NDRG3: variants seen among roughly 807,000 people sequenced by gnomAD.
NDRG3 encodes protein NDRG3.
In NDRG3, 23 loss-of-function variants were observed where a neutral mutation model predicts 57.2. The observed-to-expected ratio is 0.40, with a 90% CI of 0.29 to 0.57. The LOEUF is 0.57. Ranked by LOEUF, NDRG3 falls within the 20% of genes least tolerant of loss-of-function variation. The pLI, the probability that NDRG3 is intolerant of heterozygous loss-of-function variation, is 0.42. For missense variants in NDRG3, 384 were observed against 457.3 expected, an observed-to-expected ratio of 0.84 and a Z score of 1.46; for synonymous variants, 132 against 162.6, an observed-to-expected ratio of 0.81 and a Z score of 1.43.
At chr20:36,733,157 AAAAAAAAAAAAAAAATAT>A (rs1186660472) in intron 1 of NDRG3, among the ~76,000 whole-genome samples, 1 of 48,204 alleles carries the variant, frequency 2.1e-5, no homozygotes, top group African/African-American at 1.2e-4. Flanking sequence ...AAAAAAAAAA[AAAAAAAAAAAAAAAATAT>A]ATATATATAT....
chr20:36,745,925 G>C (rs1986169959), intron 1 of NDRG3, 120 bp downstream of exon 1: 1 of 246,774 alleles, frequency 4.1e-6, no homozygotes, highest in Non-Finnish European at 7.8e-6. Flanking sequence ...CAAGCAGCAC[G>C]GGCCACCAGG....
At chr20:36,665,402 A>G in intron 10 of NDRG3, 101 bp from the exon 11 acceptor site, 1 of 1,067,128 alleles carries the variant, frequency 9.4e-7, no homozygotes, top group Non-Finnish European at 1.4e-6. Context: ...GGAATGCGAA[A>G]CTATCTTTCC....
intron 3 of NDRG3, among the ~76,000 whole-genome samples, chr20:36,699,756 C>T (rs1568652824): frequency 6.6e-6 from 1 of 151,476 alleles, no homozygotes; most frequent in Non-Finnish European, 1.5e-5. Flanking sequence ...AGTGAGCTGC[C>T]AGGGAAGGTC....
chr20:36,711,714 A>C (rs1983891540), intron 2 of NDRG3, among the ~76,000 whole-genome samples: 1 of 152,168 alleles, frequency 6.6e-6, no homozygotes, highest in African/African-American at 2.4e-5. Flanking sequence ...TCTCAATCCC[A>C]TGTTCCTAGC....
intron 6 of NDRG3, among the ~76,000 whole-genome samples, chr20:36,683,488 G>C: frequency 6.6e-6 from 1 of 151,734 alleles, no homozygotes; most frequent in Non-Finnish European, 1.5e-5. Context: ...ATGGTGGCCT[G>C]TGCCTGTAAT....
intron 3 of NDRG3, among the ~76,000 whole-genome samples, chr20:36,690,146 G>A (rs770318858): frequency 5.3e-5 from 8 of 152,220 alleles, no homozygotes; most frequent in Non-Finnish European, 8.8e-5. Context: ...ATACTTCTAA[G>A]TTCTAAGACA....
chr20:36,714,404 C>CA (rs1187671006), intron 2 of NDRG3, among the ~76,000 whole-genome samples: 1,464 of 63,810 alleles, frequency 0.023, 33 homozygotes, highest in African/African-American at 0.059. Flanking sequence ...GACTCCAACT[C>CA]AAAAAAAAAA....
intron 3 of NDRG3, among the ~76,000 whole-genome samples, chr20:36,699,256 T>A (rs946000826): frequency 6.6e-6 from 1 of 152,092 alleles, no homozygotes; most frequent in South Asian, 2.1e-4. Flanking sequence ...ATAACTAAAG[T>A]ATAAAAACTT....
intron 3 of NDRG3, chr20:36,700,521 A>AC: frequency 1.9e-6 from 1 of 529,136 alleles, no homozygotes; most frequent in South Asian, 1.4e-5. Flanking sequence ...ATGTGCAGAG[A>AC]CCCTGGCTAA....
At chr20:36,684,519 A>AGCCTCCCTCTCCCTC in intron 5 of NDRG3, 44 bp from the exon 6 acceptor site, 1 of 1,535,554 alleles carries the variant, frequency 6.5e-7, no homozygotes, top group Non-Finnish European at 9.0e-7. Context: ...AGCACTCACA[A>AGCCTCCCTCTCCCTC]TTCCCAGTTG....
At chr20:36,740,514 T>C (rs369471392) in intron 1 of NDRG3, among the ~76,000 whole-genome samples, 13 of 152,308 alleles carry the variant, frequency 8.5e-5, no homozygotes, top group African/African-American at 3.1e-4. Flanking sequence ...ACCCGGCTAA[T>C]TTTTGCATTT....
chr20:36,666,207 G>C (rs571054650), intron 10 of NDRG3, 82 bp downstream of exon 10: 2 of 1,040,560 alleles, frequency 1.9e-6, no homozygotes, highest in African/African-American at 1.6e-5. Context: ...CCCAAGATTA[G>C]ATACAGTCCT....
intron 8 of NDRG3, among the ~76,000 whole-genome samples, chr20:36,677,308 G>A (rs1161575801): frequency 2.0e-5 from 3 of 152,234 alleles, no homozygotes; most frequent in Non-Finnish European, 4.4e-5. Flanking sequence ...AAGGGGGCAG[G>A]GTTCCCAGTA....
At chr20:36,744,972 G>A (rs534600216) in intron 1 of NDRG3, among the ~76,000 whole-genome samples, 4 of 151,064 alleles carry the variant, frequency 2.6e-5, no homozygotes, top group East Asian at 3.9e-4. Context: ...GGGTAAGGGG[G>A]GGGGGGGGCG....
chr20:36,716,522 G>T (rs1395891464), intron 2 of NDRG3, among the ~76,000 whole-genome samples: 1 of 134,320 alleles, frequency 7.4e-6, no homozygotes, highest in Non-Finnish European at 1.6e-5. Flanking sequence ...AACAGAGCGA[G>T]ACTCCATCTC....
intron 1 of NDRG3, among the ~76,000 whole-genome samples, chr20:36,723,423 C>G (rs906862948): frequency 1.3e-5 from 2 of 152,050 alleles, no homozygotes; most frequent in Admixed American, 6.6e-5. Flanking sequence ...TGTCTTGGCC[C>G]TAAACCTATC....
chr20:36,653,332 G>C lies in NDRG3; in HGVS notation c.*188C>G. The C allele has an allele frequency of 1.8e-6, 1 of 556,104 alleles. No homozygotes were observed. Among genetic ancestry groups the C allele is most frequent in the South Asian group, 2.6e-5 (1 of 38,394 alleles). The allele number at this position is 556,104 out of a possible 1,614,324, so 34.4% of individuals were successfully genotyped here. On this transcript the variant is annotated 3_prime_UTR_variant, in exon 16 of 16. Coordinates refer to ENST00000349004, the MANE Select transcript of NDRG3 (RefSeq NM_032013.4). The surrounding 1 kb of genome is among the most constrained non-coding windows in gnomAD (Gnocchi z 4.2). ...GAATGTTACAGTATGGCATGGAAGTGGTTCTTGGGCTATACAAAAAAGGGG... is the reference window on the plus strand; with the variant it reads ...GAATGTTACAGTATGGCATGGAAGTCGTTCTTGGGCTATACAAAAAAGGGG...
intron 12 of NDRG3, among the ~76,000 whole-genome samples, chr20:36,662,637 G>A (rs1466822458): frequency 3.9e-5 from 6 of 152,210 alleles, no homozygotes; most frequent in Non-Finnish European, 7.3e-5. Context: ...AATAGTTACT[G>A]CAGTTACTGA....
At chr20:36,705,332 A>AAAAAGAAAAG (rs567820465) in intron 3 of NDRG3, among the ~76,000 whole-genome samples, 3 of 150,124 alleles carry the variant, frequency 2.0e-5, no homozygotes, top group East Asian at 1.9e-4. Flanking sequence ...AAAAAAAAAA[A>AAAAAGAAAAG]AAAAGAAAAG....
Sources: allele counts gnomAD v4.1 joint callset (sites outside exome capture counted in the v4.1 genomes callset), GRCh38; gene constraint gnomAD v4.1.1; non-coding constraint Gnocchi (gnomAD v3.1); transcripts MANE v1.5; gene names NCBI Gene and HGNC (gene_info 2026-07-23, HGNC 2026-07-21).